The following OSBPL10 variants were observed in gnomAD, a reference collection of about 807,000 sequenced individuals.
OSBPL10 encodes oxysterol binding protein like 10.
A neutral mutation model predicts 81.7 loss-of-function variants in OSBPL10; 49 were observed. That is an observed-to-expected ratio of 0.60 (90% CI 0.48 to 0.76). The LOEUF (loss-of-function observed/expected upper bound fraction) is 0.76. Among genes scored for constraint, OSBPL10 ranks in the 30% least tolerant of loss-of-function variants. The pLI is 0.00. For missense variants in OSBPL10, 923 were observed against 987.8 expected, an observed-to-expected ratio of 0.93 and a Z score of 0.88; for synonymous variants, 419 against 383.6, an observed-to-expected ratio of 1.09 and a Z score of -1.08.
chr3:31,663,883 G>A, intron 11 of OSBPL10, 196 bp downstream of exon 11: 1 of 1,459,676 alleles, frequency 6.9e-7, no homozygotes, highest in Non-Finnish European at 9.0e-7. Flanking sequence ...CCCTCCAGAA[G>A]GTTTCATGAA....
chr3:31,838,692 A>G (rs1035224575), intron 3 of OSBPL10, among the ~76,000 whole-genome samples: 1 of 152,098 alleles, frequency 6.6e-6, no homozygotes, highest in African/African-American at 2.4e-5. Context: ...TCTCTATGGA[A>G]CACCATAACT....
At chr3:31,935,110 ATC>A (rs1697349389) in intron 1 of OSBPL10, among the ~76,000 whole-genome samples, 1 of 152,174 alleles carries the variant, frequency 6.6e-6, no homozygotes, top group African/African-American at 2.4e-5. Flanking sequence ...GATCCTGTTT[ATC>A]AAGAAACCGA....
intron 5 of OSBPL10, among the ~76,000 whole-genome samples, chr3:31,733,756 G>A (rs895532896): frequency 1.2e-4 from 16 of 129,892 alleles, no homozygotes; most frequent in African/African-American, 3.6e-4. Context: ...GCTCACGCCT[G>A]TAATCCCAGC....
intron 3 of OSBPL10, among the ~76,000 whole-genome samples, chr3:31,874,498 C>T (rs1018602606): frequency 2.2e-4 from 33 of 151,962 alleles, no homozygotes; most frequent in African/African-American, 7.5e-4. Flanking sequence ...ATCCTTTGTA[C>T]ACAAAGAGCT....
intron 6 of OSBPL10, among the ~76,000 whole-genome samples, chr3:31,712,220 A>T (rs1182391876): frequency 6.6e-6 from 1 of 152,212 alleles, no homozygotes; most frequent in African/African-American, 2.4e-5. Context: ...CTAAGTGTGT[A>T]TCTCAAGTTC....
chr3:31,772,897 T>C (rs527703346), intron 4 of OSBPL10, among the ~76,000 whole-genome samples: 66 of 152,302 alleles, frequency 4.3e-4, no homozygotes, highest in African/African-American at 1.4e-3. Flanking sequence ...CTTCCTCTTC[T>C]GTAAATGTAA....
At chr3:31,797,648 TA>T in intron 4 of OSBPL10, 1 of 350,382 alleles carries the variant, frequency 2.9e-6, no homozygotes. Context: ...AGGTCACAGC[TA>T]TTTTTCCACA....
At chr3:31,851,714 A>T (rs1320439590) in intron 3 of OSBPL10, among the ~76,000 whole-genome samples, 3 of 152,230 alleles carry the variant, frequency 2.0e-5, no homozygotes, top group African/African-American at 7.2e-5. Context: ...CAGAAGTGTC[A>T]TGCAGCTCTC....
intron 2 of OSBPL10, among the ~76,000 whole-genome samples, chr3:32,018,941 T>C (rs1173786782): frequency 6.7e-6 from 1 of 150,032 alleles, no homozygotes; most frequent in Non-Finnish European, 1.5e-5. Context: ...GTAGATAAGG[T>C]GGAGGAAAGA....
chr3:32,060,341 G>A (rs1699744858), intron 1 of OSBPL10, among the ~76,000 whole-genome samples: 1 of 152,168 alleles, frequency 6.6e-6, no homozygotes, highest in Admixed American at 6.5e-5. Context: ...GGTTAATTCA[G>A]TGTGCCTCCA....
intron 1 of OSBPL10, among the ~76,000 whole-genome samples, chr3:31,949,529 T>G (rs1424027948): frequency 6.6e-6 from 1 of 151,362 alleles, no homozygotes; most frequent in Non-Finnish European, 1.5e-5. Flanking sequence ...TTAGCTGGGC[T>G]TGGTGGCAGG....
intron 3 of OSBPL10, among the ~76,000 whole-genome samples, chr3:31,837,572 C>T (rs1048867202): frequency 2.7e-5 from 4 of 150,606 alleles, no homozygotes; most frequent in African/African-American, 9.8e-5. Context: ...AAGAATTCCA[C>T]TACCACTGTT....
intron 5 of OSBPL10, among the ~76,000 whole-genome samples, chr3:31,745,843 T>C (rs1697503882): frequency 1.3e-5 from 2 of 152,144 alleles, no homozygotes; most frequent in South Asian, 2.1e-4. Context: ...CCACACACAA[T>C]CTACTCTGAA....
intron 9 of OSBPL10, among the ~76,000 whole-genome samples, chr3:31,669,373 A>G (rs538180129): frequency 1.4e-4 from 21 of 152,346 alleles, no homozygotes; most frequent in South Asian, 2.1e-4. Context: ...TTTAACCCTA[A>G]AAAGTGTGTA....
At chr3:32,068,809 G>T (rs1469595497) in intron 1 of OSBPL10, among the ~76,000 whole-genome samples, 4 of 151,952 alleles carry the variant, frequency 2.6e-5, no homozygotes, top group African/African-American at 7.3e-5. Context: ...TGTCCCTTCA[G>T]TCCCAACCCC....
At chr3:31,792,241 A>G (rs1288706359) in intron 4 of OSBPL10, among the ~76,000 whole-genome samples, 1 of 151,498 alleles carries the variant, frequency 6.6e-6, no homozygotes, top group African/African-American at 2.4e-5. Context: ...AAAAAAAATG[A>G]TAAAAATGAG....
intron 7 of OSBPL10, among the ~76,000 whole-genome samples, chr3:31,695,174 C>T (rs1695675680): frequency 6.6e-6 from 1 of 152,208 alleles, no homozygotes; most frequent in Non-Finnish European, 1.5e-5. Context: ...CTGCATCCCC[C>T]ACCTTCTACC....
chr3:31,798,710 G>A (rs564798933), intron 4 of OSBPL10, among the ~76,000 whole-genome samples: 1 of 152,000 alleles, frequency 6.6e-6, no homozygotes, highest in East Asian at 1.9e-4. Flanking sequence ...GCCATACTTA[G>A]TGCCAACTAA....
chr3:31,693,379 T>C (rs987435444), intron 7 of OSBPL10, among the ~76,000 whole-genome samples: 1 of 152,258 alleles, frequency 6.6e-6, no homozygotes, highest in African/African-American at 2.4e-5. Context: ...AGATGTTCAC[T>C]ATATCATCAC....
Sources: gnomAD v4.1 joint callset for allele counts (sites outside exome capture counted in the v4.1 genomes callset) on GRCh38, gnomAD v4.1.1 for gene constraint, MANE v1.5 for transcripts, NCBI Gene and HGNC (gene_info 2026-07-23, HGNC 2026-07-21) for gene names.